Variants in NDUFA5 observed in about 807,000 individuals in gnomAD.
NDUFA5 encodes the protein NADH:ubiquinone oxidoreductase subunit A5.
A neutral mutation model predicts 19.8 loss-of-function variants in NDUFA5; 11 were observed. That is an observed-to-expected ratio of 0.56 (90% CI 0.35 to 0.92). The LOEUF (loss-of-function observed/expected upper bound fraction) is 0.92, where lower values mean the gene tolerates loss of function less well. Ranked by LOEUF, NDUFA5 falls within the 40% of genes least tolerant of loss-of-function variation. NDUFA5 has a pLI of 0.01. For synonymous variants in NDUFA5, 47 were observed against 46.8 expected, an observed-to-expected ratio of 1.00 and a Z score of -0.01; for missense variants, 109 against 134.2, an observed-to-expected ratio of 0.81 and a Z score of 0.93.
the NDUFA5 span, among the ~76,000 whole-genome samples, chr7:123,587,659 G>A: frequency 6.6e-6 from 1 of 151,496 alleles, no homozygotes; most frequent in Admixed American, 6.6e-5. Flanking sequence ...TCACCTGTAT[G>A]TTCACTGTAA....
the NDUFA5 span, among the ~76,000 whole-genome samples, chr7:123,583,869 G>A: frequency 1.3e-5 from 2 of 151,876 alleles, no homozygotes; most frequent in African/African-American, 2.4e-5. Flanking sequence ...CAAACCTAAA[G>A]TTTGCCAAAT....
chr7:123,548,333 T>C (rs1798209862), intron 3 of NDUFA5, among the ~76,000 whole-genome samples: 1 of 152,094 alleles, frequency 6.6e-6, no homozygotes, highest in Non-Finnish European at 1.5e-5. Flanking sequence ...CATGCTAGAG[T>C]CTAAGGATAC....
At chr7:123,543,792 A>T (rs775142730) in intron 4 of NDUFA5, among the ~76,000 whole-genome samples, 1 of 152,188 alleles carries the variant, frequency 6.6e-6, no homozygotes, top group South Asian at 2.1e-4. Context: ...GGGCAACAGT[A>T]TAAGGTTTGC....
intron 4 of NDUFA5, among the ~76,000 whole-genome samples, chr7:123,545,111 AT>A (rs1205123368): frequency 6.6e-6 from 1 of 152,102 alleles, no homozygotes; most frequent in Non-Finnish European, 1.5e-5. Flanking sequence ...ACTACTCAAT[AT>A]TATTTGTCAG....
At chr7:123,563,123 T>A in the NDUFA5 span, among the ~76,000 whole-genome samples, 1 of 152,154 alleles carries the variant, frequency 6.6e-6, no homozygotes, top group Non-Finnish European at 1.5e-5. Context: ...TTATCATTCG[T>A]GTGTTAACAG....
chr7:123,539,520 A>T lies in NDUFA5; in HGVS notation c.*2599T>A, dbSNP rs2117437982. 1 of 152,336 alleles carries T rather than the reference A, an allele frequency of 6.6e-6. No individual in the cohort carries two copies. Among genetic ancestry groups the T allele is most frequent in the Non-Finnish European group, 1.5e-5 (1 of 68,028 alleles). The allele number at this position is 152,336 out of a possible 1,614,324, so 9.4% of individuals were successfully genotyped here. On this transcript the variant is annotated 3_prime_UTR_variant, in exon 5 of 5. Coordinates refer to ENST00000355749, the MANE Select transcript of NDUFA5 (RefSeq NM_005000.5). ...TAACTAGAATGAAACCCATGGGAGA[A>T]CTGAAATAGGCCATTCTGAAAATTA...
chr7:123,552,134 C>A (rs1224531625), intron 2 of NDUFA5, among the ~76,000 whole-genome samples: 5 of 150,886 alleles, frequency 3.3e-5, no homozygotes, highest in Admixed American at 3.3e-4. Context: ...TCAATAATTA[C>A]AAGTATACAA....
At chr7:123,590,938 ATGTTCTTCCATT>A in the NDUFA5 span, among the ~76,000 whole-genome samples, 1 of 152,108 alleles carries the variant, frequency 6.6e-6, no homozygotes, top group Non-Finnish European at 1.5e-5. Context: ...TGAGTATGGA[ATGTTCTTCCATT>A]TGTTTGTGTC....
At chr7:123,557,633 C>T (rs1798611453) in intron 1 of NDUFA5, 142 bp downstream of exon 1, 2 of 1,613,578 alleles carry the variant, frequency 1.2e-6, no homozygotes, top group Admixed American at 1.7e-5. Flanking sequence ...ACCTGCCCTA[C>T]CCGGTAAGGC....
chr7:123,601,567 T>A, the NDUFA5 span, among the ~76,000 whole-genome samples: 1 of 152,192 alleles, frequency 6.6e-6, no homozygotes, highest in Non-Finnish European at 1.5e-5. Flanking sequence ...TGTGCGTTAA[T>A]TCCAAGTGGT....
At chr7:123,565,053 A>G in the NDUFA5 span, among the ~76,000 whole-genome samples, 3 of 152,162 alleles carry the variant, frequency 2.0e-5, no homozygotes, top group Non-Finnish European at 4.4e-5. Context: ...CTGCAAGCTG[A>G]TGAACTAGGA....
upstream of NDUFA5, chr7:123,557,868 G>T (rs879236276): frequency 2.5e-6 from 4 of 1,587,702 alleles, no homozygotes; most frequent in South Asian, 2.3e-5. Context: ...GACCACCGAG[G>T]TCGCCACTCT....
At chr7:123,583,232 T>G in the NDUFA5 span, among the ~76,000 whole-genome samples, 1 of 151,806 alleles carries the variant, frequency 6.6e-6, no homozygotes, top group South Asian at 2.1e-4. Flanking sequence ...TCTAAAAAGA[T>G]AAATAAATAG....
chr7:123,584,406 G>C, the NDUFA5 span, among the ~76,000 whole-genome samples: 1 of 151,840 alleles, frequency 6.6e-6, no homozygotes, highest in East Asian at 1.9e-4. Flanking sequence ...CTAGGCATCA[G>C]TGTTTTCTAA....
At chr7:123,590,872 C>T in the NDUFA5 span, among the ~76,000 whole-genome samples, 1 of 152,110 alleles carries the variant, frequency 6.6e-6, no homozygotes, top group African/African-American at 2.4e-5. Flanking sequence ...GGCATTGAAT[C>T]TATAAATTAC....
chr7:123,575,988 A>G, the NDUFA5 span, among the ~76,000 whole-genome samples: 3 of 150,592 alleles, frequency 2.0e-5, no homozygotes, highest in East Asian at 3.9e-4. Flanking sequence ...GTTGGCTTCT[A>G]TTTTCTTCAG....
At chr7:123,583,760 T>A in the NDUFA5 span, among the ~76,000 whole-genome samples, 1 of 151,894 alleles carries the variant, frequency 6.6e-6, no homozygotes, top group South Asian at 2.1e-4. Context: ...CCTCATAACA[T>A]CTTCATAATA....
chr7:123,547,373 T>C (rs898588309), intron 3 of NDUFA5, among the ~76,000 whole-genome samples: 3 of 152,190 alleles, frequency 2.0e-5, no homozygotes, highest in East Asian at 1.9e-4. Context: ...TAACACACTA[T>C]GTACGTCTTT....
the NDUFA5 span, among the ~76,000 whole-genome samples, chr7:123,577,188 TA>T: frequency 6.6e-6 from 1 of 152,220 alleles, no homozygotes; most frequent in Admixed American, 6.5e-5. Flanking sequence ...AAAGGTTTAC[TA>T]TATCATTGAT....
Sources: allele counts gnomAD v4.1 joint callset (sites outside exome capture counted in the v4.1 genomes callset), GRCh38; gene constraint gnomAD v4.1.1; transcripts MANE v1.5; gene names NCBI Gene and HGNC (gene_info 2026-07-23, HGNC 2026-07-21).